The following VSTM2L variants were observed in gnomAD, a reference collection of about 807,000 sequenced individuals.
The protein encoded by VSTM2L is V-set and transmembrane domain-containing protein 2-like protein.
VSTM2L carries 9 observed loss-of-function variants against 19.9 expected under a neutral mutation model. That is an observed-to-expected ratio of 0.45 (90% confidence interval 0.27 to 0.79). The LOEUF is 0.79. Among genes scored for constraint, VSTM2L ranks in the 30% least tolerant of loss-of-function variants. VSTM2L has a pLI of 0.15. For missense variants in VSTM2L, 286 were observed against 295.5 expected, an observed-to-expected ratio of 0.97 and a Z score of 0.24; for synonymous variants, 127 against 133.8, an observed-to-expected ratio of 0.95 and a Z score of 0.35.
In VSTM2L at chr20:37,944,648, A is replaced by C. The variant is rs149224265; in HGVS notation, c.*395A>C. On this transcript the variant is annotated 3_prime_UTR_variant, in exon 4 of 4. Coordinates refer to ENST00000373461, the MANE Select transcript of VSTM2L (RefSeq NM_080607.3). The stretch of plus-strand genomic sequence containing the variant: ...CCCCCAGCCTCGCCTCCCTCCTCCT[A>C]CCATCCCTCACTTGGACCTGGGGGT... 3.0e-6 allele frequency: 3 copies of C among 1,008,872 alleles called. No individual in the cohort carries two copies. The highest frequency in any genetic ancestry group is 3.5e-6 in the Non-Finnish European group (3 of 846,416). The allele number at this position is 1,008,872 out of a possible 1,614,324, so 62.5% of individuals were successfully genotyped here. A position where few individuals can be genotyped will look rare whatever the true frequency, so the allele number is the denominator to read the frequency against.
rs11698425 is a variant in VSTM2L, at chr20:37,930,828, C to T, written c.122-807C>T. Reference sequence around the variant, plus strand: ...AGAATTCCGTACCCATTCCATCCGCCGAGCAGCTGCTCTGCGCCCGCAACT... The same window carrying T: ...AGAATTCCGTACCCATTCCATCCGCTGAGCAGCTGCTCTGCGCCCGCAACT... On this transcript the variant is annotated intron_variant, in intron 1 of 3. Transcript: ENST00000373461. 4.1e-3 allele frequency among the ~76,000 whole-genome samples: 623 copies of T among 152,214 alleles called. 5 individuals carry two copies. The highest frequency in any genetic ancestry group is 7.5e-3 in the Non-Finnish European group (511 of 67,996).
intron 1 of VSTM2L, among the ~76,000 whole-genome samples, chr20:37,929,719 G>A (rs1474546407): frequency 6.6e-6 from 1 of 152,154 alleles, no homozygotes; most frequent in Non-Finnish European, 1.5e-5. Context: ...GAAGGCAGTG[G>A]AGGTGGGGAG....
At chr20:37,931,990 T>C (rs1237238334) in intron 2 of VSTM2L, among the ~76,000 whole-genome samples, 186 bp downstream of exon 2, 2 of 152,120 alleles carry the variant, frequency 1.3e-5, no homozygotes, top group Non-Finnish European at 2.9e-5. Context: ...GAGGCTTATT[T>C]GGGGGAACGG....
At chr20:37,942,196 G>A (rs981672424) in intron 3 of VSTM2L, among the ~76,000 whole-genome samples, 1 of 152,176 alleles carries the variant, frequency 6.6e-6, no homozygotes, top group African/African-American at 2.4e-5. Context: ...AAGAACAAAT[G>A]GATGGCTGGG....
chr20:37,916,134 C>T (rs1256690934), intron 1 of VSTM2L, among the ~76,000 whole-genome samples: 1 of 152,256 alleles, frequency 6.6e-6, no homozygotes, highest in Non-Finnish European at 1.5e-5. Flanking sequence ...TGGGATCTGA[C>T]ACTAAGGCTC....
chr20:37,905,775 C>T (rs2072748686), intron 1 of VSTM2L, among the ~76,000 whole-genome samples: 1 of 152,122 alleles, frequency 6.6e-6, no homozygotes, highest in African/African-American at 2.4e-5. Flanking sequence ...GCCAAGCACC[C>T]GCCACCACAG....
chr20:37,939,930 A>G (rs1002376698), intron 3 of VSTM2L, among the ~76,000 whole-genome samples: 3 of 152,092 alleles, frequency 2.0e-5, no homozygotes, highest in African/African-American at 7.2e-5. Flanking sequence ...TGAAGGCCAC[A>G]TCTGTCTCTT....
intron 1 of VSTM2L, among the ~76,000 whole-genome samples, chr20:37,909,599 G>GA (rs551611416): frequency 5.7e-4 from 87 of 152,244 alleles, no homozygotes; most frequent in African/African-American, 1.9e-3. Flanking sequence ...TTTATAGGGG[G>GA]AAAAAATCAC....
At chr20:37,940,379 G>A (rs369094446) in intron 3 of VSTM2L, among the ~76,000 whole-genome samples, 21 of 151,994 alleles carry the variant, frequency 1.4e-4, no homozygotes, top group Admixed American at 4.6e-4. Flanking sequence ...TCCCACCTCC[G>A]TGCCTCTGCT....
chr20:37,935,181 T>G (rs2072932382), intron 3 of VSTM2L, among the ~76,000 whole-genome samples: 1 of 152,136 alleles, frequency 6.6e-6, no homozygotes, highest in Non-Finnish European at 1.5e-5. Flanking sequence ...GCTAATTAGT[T>G]AAATAAAATA....
Position 37,944,651 on chromosome 20 carries a change from A to C in VSTM2L, c.*398A>C. The C allele has an allele frequency of 1.4e-5, 14 of 1,005,340 alleles. No individual in the cohort carries two copies. The highest frequency in any genetic ancestry group is 5.9e-5 in the Admixed American group (1 of 16,856). The allele number at this position is 1,005,340 out of a possible 1,614,324, so 62.3% of individuals were successfully genotyped here. On this transcript the variant is annotated 3_prime_UTR_variant, in exon 4 of 4. Coordinates refer to ENST00000373461, the MANE Select transcript of VSTM2L (RefSeq NM_080607.3). ...CCAGCCTCGCCTCCCTCCTCCTACC[A>C]TCCCTCACTTGGACCTGGGGGTGTG...
intron 3 of VSTM2L, among the ~76,000 whole-genome samples, chr20:37,935,557 G>A (rs558180250): frequency 3.6e-4 from 55 of 152,184 alleles, no homozygotes; most frequent in Admixed American, 2.0e-3. Context: ...TGGTCCGCCT[G>A]CCTGCAAAGC....
chr20:37,918,708 G>A (rs555465118), intron 1 of VSTM2L, among the ~76,000 whole-genome samples: 2 of 152,288 alleles, frequency 1.3e-5, no homozygotes, highest in South Asian at 4.1e-4. Context: ...AAAAGGCTGG[G>A]CTTGGGAGAC....
chr20:37,919,649 G>A (rs567027773), intron 1 of VSTM2L, among the ~76,000 whole-genome samples: 15 of 152,378 alleles, frequency 9.8e-5, no homozygotes, highest in Admixed American at 3.9e-4. Context: ...TCCTGAACCT[G>A]GAGCACACAC....
At chr20:37,921,112 G>A (rs6021884) in intron 1 of VSTM2L, among the ~76,000 whole-genome samples, 41,100 of 152,054 alleles carry the variant, frequency 0.27, 7,177 homozygotes, top group African/African-American at 0.5. Context: ...CATCTGTCAT[G>A]TAACACACTC....
chr20:37,923,007 G>A (rs929176743), intron 1 of VSTM2L, among the ~76,000 whole-genome samples: 2 of 152,164 alleles, frequency 1.3e-5, no homozygotes, highest in Non-Finnish European at 1.5e-5. Flanking sequence ...GAGCTAGGAG[G>A]TGAGAGAAAG....
rs1426886495 is a variant in VSTM2L, at chr20:37,903,244, C to T, written c.-107C>T. The T allele has an allele frequency of 8.2e-6, 10 of 1,224,306 alleles. No individual in the cohort carries two copies. The highest frequency in any genetic ancestry group is 3.2e-5 in the South Asian group (1 of 30,840). The allele number at this position is 1,224,306 out of a possible 1,614,324, so 75.8% of individuals were successfully genotyped here. ...GGGACAGCGGGCGAGGGGCAGCTGC[C>T]GGAGCCGGGCAGCCAGGCCGCTCAG... On this transcript the variant is annotated 5_prime_UTR_variant, in exon 1 of 4. Coordinates refer to ENST00000373461, the MANE Select transcript of VSTM2L (RefSeq NM_080607.3).
At chr20:37,930,821 C>T (rs940777468) in intron 1 of VSTM2L, among the ~76,000 whole-genome samples, 2 of 152,170 alleles carry the variant, frequency 1.3e-5, no homozygotes, top group African/African-American at 4.8e-5. Flanking sequence ...GTACCCATTC[C>T]ATCCGCCGAG....
intron 1 of VSTM2L, among the ~76,000 whole-genome samples, chr20:37,929,326 G>C (rs2072895867): frequency 6.6e-6 from 1 of 152,204 alleles, no homozygotes; most frequent in Non-Finnish European, 1.5e-5. Flanking sequence ...GTAGGAGCAG[G>C]GAGTCAGGCA....
Sources: allele counts gnomAD v4.1 joint callset (sites outside exome capture counted in the v4.1 genomes callset), GRCh38; gene constraint gnomAD v4.1.1; transcripts MANE v1.5; gene names NCBI Gene and HGNC (gene_info 2026-07-23, HGNC 2026-07-21).